The following RHBDL2 variants were observed in gnomAD, a reference collection of about 807,000 sequenced individuals.
RHBDL2 encodes rhomboid-related protein 2.
Under a neutral mutation model 31.7 loss-of-function variants are expected in RHBDL2, and 26 were observed. That is an observed-to-expected ratio of 0.82 (90% CI 0.60 to 1.14). The LOEUF is 1.14. Among genes scored for constraint, RHBDL2 ranks in the 50% most tolerant of loss-of-function variants. The probability of loss-of-function intolerance (pLI) is 0.00; values close to 1 mark genes in which losing one functional copy is unlikely to be tolerated. For missense variants in RHBDL2, 336 were observed against 364.4 expected (o/e 0.92, Z 0.63); for synonymous variants, 123 against 127.2 (o/e 0.97, Z 0.22).
At chr1:38,911,737 T>C (rs1643151186) in intron 3 of RHBDL2, among the ~76,000 whole-genome samples, 1 of 151,946 alleles carries the variant, frequency 6.6e-6, no homozygotes, top group Non-Finnish European at 1.5e-5. Context: ...CCTCAAGGGT[T>C]CAAGTAATTC....
chr1:38,928,245 G>A (rs560776926), intron 1 of RHBDL2, among the ~76,000 whole-genome samples: 469 of 150,678 alleles, frequency 3.1e-3, no homozygotes, highest in Non-Finnish European at 5.1e-3. Context: ...AGGTTCAAGC[G>A]ATTCTCCTGC....
At chr1:38,937,956 T>A (rs1643527222) in intron 1 of RHBDL2, among the ~76,000 whole-genome samples, 2 of 151,946 alleles carry the variant, frequency 1.3e-5, no homozygotes, top group African/African-American at 4.8e-5. Context: ...CGTCTTCATA[T>A]CCTAGGCCCC....
chr1:38,891,281 A>AT (rs34671070), intron 6 of RHBDL2, among the ~76,000 whole-genome samples: 3 of 151,330 alleles, frequency 2.0e-5, no homozygotes, highest in East Asian at 1.9e-4. Flanking sequence ...AAAAAAAAAA[A>AT]GAAGAATATT....
In RHBDL2 at chr1:38,919,331, G is replaced by A; in HGVS notation, c.-119C>T. On this transcript the variant is annotated 5_prime_UTR_variant, in exon 2 of 8. Transcript: ENST00000372990. The stretch of plus-strand genomic sequence containing the variant: ...TCTGGCGCAACGACTGCTTTCCAAG[G>A]CCTTTCCTGTATGTGAAGAGAAGAC... The A allele has an allele frequency of 1.3e-6, 2 of 1,592,808 alleles. No individual in the cohort carries two copies. Among genetic ancestry groups the A allele is most frequent in the Middle Eastern group, 1.7e-4 (1 of 5,998 alleles).
chr1:38,886,468 G>T lies in RHBDL2; in HGVS notation c.*36C>A. 2 of 1,399,004 alleles carry T rather than the reference G, an allele frequency of 1.4e-6. No homozygotes were observed. The highest frequency in any genetic ancestry group is 1.6e-5 in the South Asian group (1 of 62,236). 86.7% of individuals were successfully genotyped at this position (1,399,004 alleles called of 1,614,324 possible). ...CCTTTTTTTTTTATTTCCTCCAGAT[G>T]GCTCTTTTTATTAATTGACTTACAA... On this transcript the variant is annotated 3_prime_UTR_variant, in exon 8 of 8. Coordinates refer to ENST00000372990, the MANE Select transcript of RHBDL2 (RefSeq NM_017821.5).
intron 1 of RHBDL2, among the ~76,000 whole-genome samples, chr1:38,937,473 G>C (rs910004885): frequency 6.6e-6 from 1 of 152,096 alleles, no homozygotes; most frequent in Admixed American, 6.6e-5. Context: ...GAGTTGAAAA[G>C]GAGAACTTAA....
chr1:38,911,225 C>A, intron 4 of RHBDL2, 97 bp downstream of exon 4: 1 of 759,340 alleles, frequency 1.3e-6, no homozygotes, highest in Non-Finnish European at 2.3e-6. Flanking sequence ...GTGCAGTAAA[C>A]CTTGACTTAA....
chr1:38,920,070 T>G (rs1432764406), intron 1 of RHBDL2, among the ~76,000 whole-genome samples: 1 of 152,104 alleles, frequency 6.6e-6, no homozygotes, highest in African/African-American at 2.4e-5. Context: ...GTCTATAGAT[T>G]GACCTATACT....
At chr1:38,898,715 T>C (rs1413735846) in intron 4 of RHBDL2, among the ~76,000 whole-genome samples, 3 of 152,096 alleles carry the variant, frequency 2.0e-5, no homozygotes, top group Non-Finnish European at 4.4e-5. Flanking sequence ...TCCAGATAGA[T>C]CTGGACTGCT....
At chr1:38,908,053 A>G (rs1288326963) in intron 4 of RHBDL2, among the ~76,000 whole-genome samples, 1 of 152,044 alleles carries the variant, frequency 6.6e-6, no homozygotes. Flanking sequence ...AAAAAAAGTT[A>G]GAAAATGGGC....
Position 38,903,144 on chromosome 1 carries a change from A to T in RHBDL2, c.509-7075T>A, listed in dbSNP as rs573065646. On this transcript the variant is annotated intron_variant, in intron 4 of 7. Transcript: ENST00000372990. ...GTAACAATGAAGAATGAGAAATATA[A>T]TTTTTTTTTTTTGAGACAGAGTTTT... Among the ~76,000 whole-genome samples, 111 of 147,468 alleles carry T rather than the reference A, an allele frequency of 7.5e-4. No individual in the cohort carries two copies. The East Asian group carries it at 0.017, about 23-fold the overall frequency.
At position 38,919,043 on chromosome 1, in the gene RHBDL2, TTTTC is replaced by T; in HGVS notation, c.166_169del (p.Glu56SerfsTer111). 1.2e-6 allele frequency: 2 copies of T among 1,614,174 alleles called. No homozygotes were observed. The highest frequency in any genetic ancestry group is 1.7e-6 in the Non-Finnish European group (2 of 1,180,026). On this transcript the variant is annotated frameshift_variant, in exon 2 of 8. Transcript: ENST00000372990. LOFTEE classifies it high-confidence loss of function. ...TCTCTCCAAGTATGTTCCTCGGGAC[TTTTC>T]GGGCAGCATCCATTTTGAGACAATC...
At chr1:38,922,832 C>T (rs1643331378) in intron 1 of RHBDL2, among the ~76,000 whole-genome samples, 1 of 152,172 alleles carries the variant, frequency 6.6e-6, no homozygotes, top group African/African-American at 2.4e-5. Context: ...TGGCTCATGC[C>T]TGTAATACCA....
At chr1:38,927,867 A>G (rs1643394917) in intron 1 of RHBDL2, among the ~76,000 whole-genome samples, 1 of 152,220 alleles carries the variant, frequency 6.6e-6, no homozygotes, top group African/African-American at 2.4e-5. Flanking sequence ...TTAAGGATAA[A>G]GAAACCCAGG....
rs929173125 is a variant in RHBDL2, at chr1:38,895,966, T to TA, written c.609+2dup. ...TCGTGGACTCCATCCCCATGGTTCT[T>TA]ACCACCAGAACATTCATAAAATAGC... is the stretch of plus-strand genomic sequence containing the variant. On this transcript the variant is annotated splice_region_variant and intron_variant, in intron 5 of 7. Coordinates refer to ENST00000372990, the MANE Select transcript of RHBDL2 (RefSeq NM_017821.5). The TA allele has an allele frequency of 3.1e-6, 5 of 1,596,556 alleles. No homozygotes were observed. In the African/African-American group the frequency reaches 4.0e-5, roughly 13 times the overall value.
intron 5 of RHBDL2, among the ~76,000 whole-genome samples, chr1:38,894,715 T>C (rs529804952): frequency 1.4e-5 from 2 of 144,872 alleles, no homozygotes; most frequent in East Asian, 2.0e-4. Flanking sequence ...TTCTTTTTTT[T>C]TTTTTTTTTT....
chr1:38,935,048 G>A lies in RHBDL2; in HGVS notation c.-126+6634C>T, dbSNP rs758366231. Among the ~76,000 whole-genome samples the A allele has an allele frequency of 2.6e-5, 4 of 151,628 alleles. No individual in the cohort carries two copies. The South Asian group carries it at 6.3e-4, about 24-fold the overall frequency. On this transcript the variant is annotated intron_variant, in intron 1 of 7. Transcript: ENST00000372990. Reference sequence around the variant, plus strand: ...CAATTATTTTTTACAAGTTAAAATCGGCTCCAAGATCAAATTTTTTGTCAT... The same window carrying A: ...CAATTATTTTTTACAAGTTAAAATCAGCTCCAAGATCAAATTTTTTGTCAT...
In RHBDL2 at chr1:38,896,109, G is replaced by A. The variant is rs371352473; in HGVS notation, c.509-40C>T. The A allele has an allele frequency of 9.8e-5, 138 of 1,404,362 alleles. No homozygotes were observed. In the African/African-American group the frequency reaches 1.7e-3, roughly 17 times the overall value. The allele number at this position is 1,404,362 out of a possible 1,614,324, so 87.0% of individuals were successfully genotyped here. Reference sequence around the variant, plus strand: ...CACAAAGGATCAGACATGACTATACGGATCAGGAAAGATAAATCTTTCTAA... The same window carrying A: ...CACAAAGGATCAGACATGACTATACAGATCAGGAAAGATAAATCTTTCTAA... On this transcript the variant is annotated intron_variant, in intron 4 of 7. Coordinates refer to ENST00000372990, the MANE Select transcript of RHBDL2 (RefSeq NM_017821.5).
At position 38,888,041 on chromosome 1, in the gene RHBDL2, C is replaced by T. The variant is rs781020795; in HGVS notation, c.671-17G>A. ...CCAACACAACTAGAAGGAAAAACACCCTGATAAAGGCTCAGAATCTCCACA... is the reference window on the plus strand; with the variant it reads ...CCAACACAACTAGAAGGAAAAACACTCTGATAAAGGCTCAGAATCTCCACA... On this transcript the variant is annotated splice_polypyrimidine_tract_variant and intron_variant, in intron 6 of 7. Transcript: ENST00000372990. 1 of 1,594,404 alleles carries T rather than the reference C, an allele frequency of 6.3e-7. No homozygotes were observed. The highest frequency in any genetic ancestry group is 1.7e-5 in the Admixed American group (1 of 59,484).
Sources: allele counts gnomAD v4.1 joint callset (sites outside exome capture counted in the v4.1 genomes callset), GRCh38; gene constraint gnomAD v4.1.1; transcripts MANE v1.5; gene names NCBI Gene and HGNC (gene_info 2026-07-23, HGNC 2026-07-21).